FGF14: variants seen among roughly 807,000 people sequenced by gnomAD.
FGF14 encodes fibroblast growth factor 14.
In FGF14, 5 loss-of-function variants were observed where a neutral mutation model predicts 25.5. The ratio of observed to expected loss-of-function variants is 0.20; its 90% confidence interval spans 0.10 to 0.41. The LOEUF (loss-of-function observed/expected upper bound fraction) is 0.41. FGF14 is among the 10% of genes least tolerant of loss of function. The probability of loss-of-function intolerance (pLI) is 1.00; values close to 1 mark genes in which losing one functional copy is unlikely to be tolerated. For missense variants in FGF14, 222 were observed against 320.1 expected, an observed-to-expected ratio of 0.69 and a Z score of 2.34; for synonymous variants, 138 against 118.3, an observed-to-expected ratio of 1.17 and a Z score of -1.08.
intron 1 of FGF14, among the ~76,000 whole-genome samples, chr13:101,908,787 A>G (rs2032561477): frequency 6.6e-6 from 1 of 152,220 alleles, no homozygotes; most frequent in Non-Finnish European, 1.5e-5. Flanking sequence ...TGCTAAGTCA[A>G]TCCTAAAACA....
intron 3 of FGF14, among the ~76,000 whole-genome samples, chr13:101,816,208 T>G (rs1156805177): frequency 3.4e-5 from 5 of 146,680 alleles, no homozygotes; most frequent in African/African-American, 1.3e-4. Context: ...AGGCGGAGCT[T>G]GCAGTGAGCC....
At chr13:102,116,825 T>C (rs1015212904) in intron 1 of FGF14, among the ~76,000 whole-genome samples, 30 of 152,358 alleles carry the variant, frequency 2.0e-4, no homozygotes, top group African/African-American at 6.5e-4. Context: ...AAATATTATG[T>C]TATACATACA....
chr13:102,167,352 G>C (rs1021377909), intron 1 of FGF14, among the ~76,000 whole-genome samples: 27 of 149,228 alleles, frequency 1.8e-4, no homozygotes, highest in Admixed American at 1.3e-3. Flanking sequence ...GTTACCTCAG[G>C]TTGCGTCTAT....
At chr13:102,014,321 A>T (rs1302857304) in intron 1 of FGF14, among the ~76,000 whole-genome samples, 1 of 152,132 alleles carries the variant, frequency 6.6e-6, no homozygotes, top group East Asian at 1.9e-4. Context: ...TTAAATGAAA[A>T]TTTTTTCCAC....
chr13:101,898,415 C>T (rs9585804), intron 1 of FGF14, among the ~76,000 whole-genome samples: 48,699 of 150,628 alleles, frequency 0.32, 8,501 homozygotes, highest in East Asian at 0.46. Flanking sequence ...TACCCATCTC[C>T]GTCACAGATT....
chr13:101,866,985 G>C (rs559457336), intron 3 of FGF14, among the ~76,000 whole-genome samples: 1 of 152,094 alleles, frequency 6.6e-6, no homozygotes, highest in Non-Finnish European at 1.5e-5. Context: ...CCAAAGGGGA[G>C]GCCTGGAAGC....
intron 3 of FGF14, among the ~76,000 whole-genome samples, chr13:101,750,530 G>T (rs1459372658): frequency 6.6e-6 from 1 of 152,156 alleles, no homozygotes; most frequent in Admixed American, 6.6e-5. Context: ...TTCTGCTGGA[G>T]AAGTCTTTGT....
intron 1 of FGF14, among the ~76,000 whole-genome samples, chr13:101,888,749 T>C (rs1174834771): frequency 6.6e-6 from 1 of 152,184 alleles, no homozygotes; most frequent in Non-Finnish European, 1.5e-5. Context: ...GGACCACATG[T>C]CTTCAAGATT....
At chr13:101,823,261 A>G (rs1342341513) in intron 3 of FGF14, among the ~76,000 whole-genome samples, 3 of 93,448 alleles carry the variant, frequency 3.2e-5, no homozygotes, top group African/African-American at 1.1e-4. Context: ...TTCTATGTTT[A>G]ATTGAGGAAT....
At chr13:101,843,030 C>A (rs1041965042) in intron 3 of FGF14, among the ~76,000 whole-genome samples, 2 of 152,050 alleles carry the variant, frequency 1.3e-5, no homozygotes, top group African/African-American at 4.8e-5. Context: ...AGGCTTTCAA[C>A]AACAAATATG....
At chr13:101,895,882 C>T (rs1418622434) in intron 1 of FGF14, among the ~76,000 whole-genome samples, 2 of 152,120 alleles carry the variant, frequency 1.3e-5, no homozygotes, top group Non-Finnish European at 2.9e-5. Flanking sequence ...GTCACGTTTC[C>T]TGGTGAGCCT....
intron 1 of FGF14, among the ~76,000 whole-genome samples, chr13:102,027,206 AAC>A (rs758193325): frequency 2.0e-5 from 3 of 151,138 alleles, no homozygotes; most frequent in Admixed American, 1.3e-4. Flanking sequence ...AATAAAAAGA[AAC>A]ACACACACAC....
chr13:101,862,431 G>T (rs2044472933), intron 3 of FGF14, among the ~76,000 whole-genome samples: 1 of 151,266 alleles, frequency 6.6e-6, no homozygotes, highest in South Asian at 2.1e-4. Context: ...TCCATAAAAT[G>T]TCACTGGAAT....
chr13:102,052,318 T>C (rs2042245863), intron 1 of FGF14, among the ~76,000 whole-genome samples: 1 of 152,042 alleles, frequency 6.6e-6, no homozygotes, highest in East Asian at 1.9e-4. Flanking sequence ...GATAAAAAGC[T>C]GGAAAGTTTA....
At chr13:102,172,064 A>C (rs2048273656) in intron 1 of FGF14, among the ~76,000 whole-genome samples, 1 of 151,816 alleles carries the variant, frequency 6.6e-6, no homozygotes, top group Non-Finnish European at 1.5e-5. Flanking sequence ...TCCTGAGCTC[A>C]CGTGATCCTC....
intron 1 of FGF14, among the ~76,000 whole-genome samples, chr13:102,009,422 C>T (rs1274547821): frequency 6.6e-6 from 1 of 151,990 alleles, no homozygotes; most frequent in Non-Finnish European, 1.5e-5. Flanking sequence ...ATCAGTTTGA[C>T]GTGCATGAGT....
At chr13:102,289,691 T>C (rs1308262564) in intron 1 of FGF14, among the ~76,000 whole-genome samples, 1 of 152,178 alleles carries the variant, frequency 6.6e-6, no homozygotes, top group African/African-American at 2.4e-5. Context: ...TGCATTAGAC[T>C]TTCAGACCCA....
intron 3 of FGF14, among the ~76,000 whole-genome samples, chr13:101,757,805 G>A (rs569028788): frequency 6.6e-6 from 1 of 152,150 alleles, no homozygotes; most frequent in Non-Finnish European, 1.5e-5. Context: ...TTAGCCCCAG[G>A]AAACTGGGAT....
chr13:102,300,606 C>T (rs2054982451), intron 1 of FGF14, among the ~76,000 whole-genome samples: 1 of 152,094 alleles, frequency 6.6e-6, no homozygotes, highest in African/African-American at 2.4e-5. Flanking sequence ...CAATCTATCT[C>T]CGTACGGACT....
Sources: allele counts gnomAD v4.1 joint callset (sites outside exome capture counted in the v4.1 genomes callset), GRCh38; gene constraint gnomAD v4.1.1; transcripts MANE v1.5; gene names NCBI Gene and HGNC (gene_info 2026-07-23, HGNC 2026-07-21).